The following HMGB1 variants were observed in gnomAD, a reference collection of about 807,000 sequenced individuals.
The protein encoded by HMGB1 is high mobility group protein B1.
For missense variants in HMGB1, 79 were observed against 253.5 expected, an observed-to-expected ratio of 0.31 and a Z score of 4.67; for synonymous variants, 81 against 84.0, an observed-to-expected ratio of 0.96 and a Z score of 0.19.
intron 1 of HMGB1, chr13:30,554,672 A>C (rs1869597070): frequency 3.9e-6 from 3 of 771,724 alleles, no homozygotes; most frequent in Non-Finnish European, 7.3e-6. Context: ...AGTAAATGCA[A>C]GATACAATGG....
chr13:30,549,094 C>G (rs767002961), intron 1 of HMGB1, among the ~76,000 whole-genome samples: 1 of 151,982 alleles, frequency 6.6e-6, no homozygotes, highest in Admixed American at 6.5e-5. Flanking sequence ...CCCAGGAGTT[C>G]AACACCAGCC....
intron 1 of HMGB1, among the ~76,000 whole-genome samples, chr13:30,578,123 C>T (rs914024121): frequency 2.6e-5 from 4 of 152,014 alleles, no homozygotes; most frequent in Non-Finnish European, 5.9e-5. Context: ...CTGCCTGCAA[C>T]GTCCTTGCCC....
intron 1 of HMGB1, among the ~76,000 whole-genome samples, chr13:30,493,199 T>C (rs1357178376): frequency 2.0e-5 from 3 of 151,918 alleles, no homozygotes; most frequent in Non-Finnish European, 4.4e-5. Flanking sequence ...AATTTGTTTA[T>C]GCCATAAACA....
At chr13:30,546,044 G>A (rs1869142647) in intron 1 of HMGB1, among the ~76,000 whole-genome samples, 1 of 152,174 alleles carries the variant, frequency 6.6e-6, no homozygotes, top group South Asian at 2.1e-4. Context: ...ACTAGTTGTT[G>A]GACAATGCAG....
chr13:30,468,688 C>T (rs146984140), upstream of HMGB1, among the ~76,000 whole-genome samples: 1 of 152,110 alleles, frequency 6.6e-6, no homozygotes, highest in Non-Finnish European at 1.5e-5. Flanking sequence ...CACTTGCAGG[C>T]AATTCATTTC....
At chr13:30,532,573 A>G (rs1888520894) in intron 1 of HMGB1, among the ~76,000 whole-genome samples, 1 of 151,964 alleles carries the variant, frequency 6.6e-6, no homozygotes, top group Non-Finnish European at 1.5e-5. Context: ...CAGTGGCGCA[A>G]TCTCAGCTCA....
intron 1 of HMGB1, among the ~76,000 whole-genome samples, chr13:30,561,926 C>T (rs1229025088): frequency 1.3e-5 from 2 of 152,130 alleles, no homozygotes; most frequent in African/African-American, 2.4e-5. Flanking sequence ...AGCAACTGGT[C>T]CCCCAACTTC....
intron 1 of HMGB1, among the ~76,000 whole-genome samples, chr13:30,479,248 TG>T (rs1887172505): frequency 6.6e-6 from 1 of 152,214 alleles, no homozygotes; most frequent in Non-Finnish European, 1.5e-5. Context: ...GCTTCTCTTC[TG>T]CTCTCTTTAA....
At chr13:30,484,536 T>G (rs139412860) in intron 1 of HMGB1, among the ~76,000 whole-genome samples, 170 of 152,294 alleles carry the variant, frequency 1.1e-3, no homozygotes, top group African/African-American at 3.8e-3. Context: ...GGGATGGGTA[T>G]AAGAGCTTAT....
intron 3 of HMGB1, 89 bp from the exon 4 acceptor site, chr13:30,462,801 G>C: frequency 9.4e-7 from 1 of 1,068,406 alleles, no homozygotes; most frequent in Non-Finnish European, 1.4e-6. Flanking sequence ...ATTTAAAGCT[G>C]CCTGTGAATT....
At chr13:30,617,569 C>T (rs1179088622) in exon 1 of HMGB1, 1 of 152,290 alleles carries the variant, frequency 6.6e-6, no homozygotes, top group African/African-American at 2.4e-5. Flanking sequence ...AAGCAGGTCT[C>T]TTTCGTCAGC....
intron 1 of HMGB1, among the ~76,000 whole-genome samples, chr13:30,477,938 A>T (rs9508754): frequency 0.022 from 3,329 of 152,332 alleles, 59 homozygotes; most frequent in Middle Eastern, 0.061. Flanking sequence ...TAAAGAAAAA[A>T]AAAATCAACA....
Position 30,457,632 on chromosome 13 carries a change from C to T in HMGB1, c.*3725G>A, listed in dbSNP as rs1886045508. 6.6e-6 allele frequency: 1 copy of T among 152,190 alleles called. No individual in the cohort carries two copies. The highest frequency in any genetic ancestry group is 1.5e-5 in the Non-Finnish European group (1 of 68,032). The allele number at this position is 152,190 out of a possible 1,614,324, so 9.4% of individuals were successfully genotyped here. A position where few individuals can be genotyped will look rare whatever the true frequency, so the allele number is the denominator to read the frequency against. On this transcript the variant is annotated 3_prime_UTR_variant, in exon 5 of 5. Transcript: ENST00000341423. Reference sequence around the variant, plus strand: ...GTCTAAAGTCATCTAGCATTTCTTCCTGGTAGAGATTACCTTAGACTGAAC... The same window carrying T: ...GTCTAAAGTCATCTAGCATTTCTTCTTGGTAGAGATTACCTTAGACTGAAC...
chr13:30,495,871 A>G (rs1445867786), intron 1 of HMGB1, among the ~76,000 whole-genome samples: 1 of 152,166 alleles, frequency 6.6e-6, no homozygotes, highest in Admixed American at 6.5e-5. Context: ...TTCTCAGGTA[A>G]TGTGGTTCCC....
chr13:30,576,349 A>T (rs1227501847), intron 1 of HMGB1, among the ~76,000 whole-genome samples: 2 of 148,802 alleles, frequency 1.3e-5, no homozygotes, highest in Non-Finnish European at 2.9e-5. Flanking sequence ...TGTAGAATAA[A>T]GAATTATAAA....
chr13:30,465,890 A>T lies in HMGB1; in HGVS notation c.-109T>A. Reference sequence around the variant, plus strand: ...CTCAATGTACTGCAATGGCTGTGAGAGCGGGAGCCAGACGCAGCCTCCTCA... The same window carrying T: ...CTCAATGTACTGCAATGGCTGTGAGTGCGGGAGCCAGACGCAGCCTCCTCA... On this transcript the variant is annotated 5_prime_UTR_variant, in exon 1 of 5. Coordinates refer to ENST00000341423, the MANE Select transcript of HMGB1 (RefSeq NM_002128.7). The T allele has an allele frequency of 1.0e-6, 1 of 985,816 alleles. No individual in the cohort carries two copies. The highest frequency in any genetic ancestry group is 1.2e-6 in the Non-Finnish European group (1 of 829,894). 61.1% of individuals were successfully genotyped at this position (985,816 alleles called of 1,614,324 possible).
intron 1 of HMGB1, among the ~76,000 whole-genome samples, chr13:30,486,870 C>G (rs959549371): frequency 1.7e-4 from 26 of 152,150 alleles, no homozygotes; most frequent in African/African-American, 5.8e-4. Context: ...GAAAGGGAAG[C>G]TGCTCCAACA....
intron 1 of HMGB1, among the ~76,000 whole-genome samples, chr13:30,516,235 T>G (rs768690934): frequency 2.0e-5 from 3 of 152,232 alleles, no homozygotes; most frequent in Non-Finnish European, 2.9e-5. Flanking sequence ...TGACCAAGTA[T>G]TAAATCAAAA....
At chr13:30,604,085 T>G (rs1204186143) in intron 1 of HMGB1, among the ~76,000 whole-genome samples, 1 of 151,686 alleles carries the variant, frequency 6.6e-6, no homozygotes, top group African/African-American at 2.4e-5. Context: ...GGGAAGAGGC[T>G]GCATCCATCT....
Sources: gnomAD v4.1 joint callset for allele counts (sites outside exome capture counted in the v4.1 genomes callset) on GRCh38, gnomAD v4.1.1 for gene constraint, MANE v1.5 for transcripts, NCBI Gene and HGNC (gene_info 2026-07-23, HGNC 2026-07-21) for gene names.